SEMA5B: variants seen among roughly 807,000 people sequenced by gnomAD.
SEMA5B encodes the protein semaphorin-5B.
In SEMA5B, 66 loss-of-function variants were observed where a neutral mutation model predicts 135.0. The ratio of observed to expected loss-of-function variants is 0.49; its 90% CI spans 0.40 to 0.60. The LOEUF is 0.60. Among genes scored for constraint, SEMA5B ranks in the 20% least tolerant of loss-of-function variants. The probability of loss-of-function intolerance (pLI) is 0.00; values close to 1 mark genes in which losing one functional copy is unlikely to be tolerated. For synonymous variants in SEMA5B, 690 were observed against 639.5 expected, an observed-to-expected ratio of 1.08 and a Z score of -1.19; for missense variants, 1,501 against 1,566.3, an observed-to-expected ratio of 0.96 and a Z score of 0.70.
In SEMA5B at chr3:122,913,813, G is replaced by A. The variant is rs1174936324; in HGVS notation, c.2132+45C>T. 1.9e-6 allele frequency: 3 copies of A among 1,567,234 alleles called. No individual in the cohort carries two copies. The Admixed American group carries it at 5.3e-5, about 28-fold the overall frequency. On this transcript the variant is annotated intron_variant, in intron 15 of 22. Transcript: ENST00000357599. ...GGAGAATCCAGGCCACTTTCTGGGGGGCCCGGTTAGTCTGGGACCTCAGAG... is the reference window on the plus strand; with the variant it reads ...GGAGAATCCAGGCCACTTTCTGGGGAGCCCGGTTAGTCTGGGACCTCAGAG...
chr3:122,940,639 C>G (rs955375363), intron 4 of SEMA5B, among the ~76,000 whole-genome samples: 1 of 152,212 alleles, frequency 6.6e-6, no homozygotes, highest in African/African-American at 2.4e-5. Flanking sequence ...GAAAGAGGGC[C>G]CCTGCTGAAG....
At position 122,922,386 on chromosome 3, in the gene SEMA5B, G is replaced by A. The variant is rs1250418736; in HGVS notation, c.1334C>T (p.Ala445Val). 2 of 1,612,118 alleles carry A rather than the reference G, an allele frequency of 1.2e-6. No individual in the cohort carries two copies. Among genetic ancestry groups the A allele is most frequent in the East Asian group, 2.2e-5 (1 of 44,790 alleles). The change falls in exon 11 of 23, where the codon GCG becomes GTG. Residue 445 changes from alanine to valine, a missense_variant. Around this residue, in one of 2 missense-constraint regions of SEMA5B, gnomAD observed 574 missense variants for 684.7 expected, o/e 0.84. Transcript: ENST00000357599. Reference protein sequence around the residue: ...ENLTERSLQDAQRLFLMSEAV... With the variant: ...ENLTERSLQDVQRLFLMSEAV... ...CTCGCTCATCAGGAAGAGGCGCTGC[G>A]CGTCCTGCAGGCTGCGCTCCGTCAG...
At position 122,977,560 on chromosome 3, in the gene SEMA5B, G is replaced by A. The variant is rs1486793953; in HGVS notation, c.-38-16259C>T. Among the ~76,000 whole-genome samples, 8 of 152,206 alleles carry A rather than the reference G, an allele frequency of 5.3e-5. No homozygotes were observed. In the East Asian group the frequency reaches 1.5e-3, roughly 29 times the overall value. Reference sequence around the variant, plus strand: ...AGAGAAGAGTCAGGGCTGGCAACAGGGACTACAGCTCTACCTAGCCAGCCT... The same window carrying A: ...AGAGAAGAGTCAGGGCTGGCAACAGAGACTACAGCTCTACCTAGCCAGCCT... On this transcript the variant is annotated intron_variant, in intron 1 of 22. Transcript: ENST00000357599.
rs200580771 is a variant in SEMA5B at position 122,913,594 on chromosome 3, C to A, written c.2220G>T (p.Gly740=). The A allele has an allele frequency of 2.5e-6, 4 of 1,613,414 alleles. No homozygotes were observed. The highest frequency in any genetic ancestry group is 3.3e-5 in the Admixed American group (2 of 60,020). ...AGGCCCGACGCCGCGACTGCATGCCCCCTCCACAGTTGCTGCTGCACTTGC... is the reference window on the plus strand; with the variant it reads ...AGGCCCGACGCCGCGACTGCATGCCACCTCCACAGTTGCTGCTGCACTTGC... ...SWSKCSSNCG[G]GMQSRRRACE... The change falls in exon 16 of 23, where the codon GGG becomes GGT. Residue 740 remains glycine (G), a synonymous_variant. Coordinates refer to ENST00000357599, the MANE Select transcript of SEMA5B (RefSeq NM_001031702.4).
chr3:122,938,198 C>T (rs987135737), intron 5 of SEMA5B, among the ~76,000 whole-genome samples: 4 of 152,206 alleles, frequency 2.6e-5, no homozygotes, highest in African/African-American at 4.8e-5. Context: ...ATGCCTTGTA[C>T]CATGCCTAGG....
At chr3:122,911,153 G>A (rs1360781598) in intron 21 of SEMA5B, 108 bp from the exon 22 acceptor site, 3 of 1,108,068 alleles carry the variant, frequency 2.7e-6, no homozygotes, top group Non-Finnish European at 3.8e-6. Flanking sequence ...GAGGCATCCT[G>A]GAAAGGGCTC....
intron 1 of SEMA5B, among the ~76,000 whole-genome samples, chr3:122,966,788 G>T (rs1407162485): frequency 6.7e-6 from 1 of 150,322 alleles, no homozygotes; most frequent in African/African-American, 2.4e-5. Context: ...TCGATCTCCT[G>T]ACCTCGTGAT....
At chr3:122,944,993 T>G (rs993484715) in intron 3 of SEMA5B, among the ~76,000 whole-genome samples, 1 of 150,644 alleles carries the variant, frequency 6.6e-6, no homozygotes, top group African/African-American at 2.5e-5. Flanking sequence ...GAGAGAGAGA[T>G]AGAGAGAGAG....
intron 2 of SEMA5B, among the ~76,000 whole-genome samples, chr3:122,953,568 T>A (rs1940150741): frequency 6.6e-6 from 1 of 152,114 alleles, no homozygotes; most frequent in Non-Finnish European, 1.5e-5. Context: ...GGACAGGACA[T>A]GACGGGTGGG....
In SEMA5B at chr3:122,966,857, CTATTACTATTATTAT is replaced by C. The variant is rs1261862141; in HGVS notation, c.-38-5571_-38-5557del. ...ACAGGCGTGAGCCACCACACCCGGC[CTATTACTATTATTAT>C]TATTATTATTATTATTATTATTATT... On this transcript the variant is annotated intron_variant, in intron 1 of 22. Transcript: ENST00000357599. Among the ~76,000 whole-genome samples the C allele has an allele frequency of 1.6e-3, 140 of 88,200 alleles. 3 individuals carry two copies. Among genetic ancestry groups the C allele is most frequent in the African/African-American group, 8.0e-3 (111 of 13,842 alleles). 57.9% of individuals were successfully genotyped at this position (88,200 alleles called of 152,430 possible).
intron 1 of SEMA5B, chr3:122,993,184 A>G (rs940764708): frequency 5.3e-5 from 8 of 152,326 alleles, no homozygotes; most frequent in African/African-American, 1.9e-4. Flanking sequence ...GCCGCAGAAA[A>G]GCAGGACACA....
At chr3:122,923,028 C>T (rs1344208460) in intron 10 of SEMA5B, among the ~76,000 whole-genome samples, 6 of 152,196 alleles carry the variant, frequency 3.9e-5, no homozygotes, top group Non-Finnish European at 8.8e-5. Flanking sequence ...CAGAGATAGG[C>T]TAGATGGTAG....
At chr3:122,943,325 G>T (rs1053122043) in intron 4 of SEMA5B, 111 bp downstream of exon 4, 7 of 708,534 alleles carry the variant, frequency 9.9e-6, no homozygotes, top group Non-Finnish European at 1.7e-5. Flanking sequence ...CAGCAGAGAG[G>T]ATGGGGCCCA....
chr3:123,026,145 C>T (rs1942793010), intron 1 of SEMA5B, among the ~76,000 whole-genome samples: 1 of 152,138 alleles, frequency 6.6e-6, no homozygotes, highest in Non-Finnish European at 1.5e-5. Flanking sequence ...AGGTCGGATT[C>T]ACTAGGGGCT....
At chr3:122,997,328 C>T (rs1330418848) in intron 1 of SEMA5B, among the ~76,000 whole-genome samples, 1 of 152,140 alleles carries the variant, frequency 6.6e-6, no homozygotes, top group Non-Finnish European at 1.5e-5. Flanking sequence ...GTTTCCTCTC[C>T]TCTCCTCTAG....
intron 1 of SEMA5B, among the ~76,000 whole-genome samples, chr3:122,979,120 A>T (rs2107674000): frequency 6.6e-6 from 1 of 152,244 alleles, no homozygotes; most frequent in East Asian, 1.9e-4. Context: ...GATAAATGGG[A>T]TGGGAGGCGG....
At chr3:122,976,776 G>A (rs989550460) in intron 1 of SEMA5B, among the ~76,000 whole-genome samples, 24 of 152,106 alleles carry the variant, frequency 1.6e-4, no homozygotes, top group African/African-American at 5.3e-4. Context: ...GGGGCCAGGC[G>A]CGGTGGCTCA....
chr3:122,912,870 G>A lies in SEMA5B; in HGVS notation c.2698C>T (p.Gln900Ter), dbSNP rs992619805. The A allele has an allele frequency of 6.3e-7, 1 of 1,599,864 alleles. No individual in the cohort carries two copies. The highest frequency in any genetic ancestry group is 8.5e-7 in the Non-Finnish European group (1 of 1,172,278). The change falls in exon 18 of 23, where the codon CAG (glutamine) becomes TAG (stop). Residue 900 changes from glutamine (Q) to a stop codon, truncating the protein, a stop_gained. Coordinates refer to ENST00000357599, the MANE Select transcript of SEMA5B (RefSeq NM_001031702.4). LOFTEE classifies it high-confidence loss of function. Reference protein sequence around the residue: ...LPCVGDAAEYQDCNPQACPVR... With the variant: ...LPCVGDAAEY ...GGGCAAGCCTGGGGGTTGCAGTCCT[G>A]GTACTCGGCAGCATCGCCCACGCAG...
intron 12 of SEMA5B, among the ~76,000 whole-genome samples, chr3:122,918,582 C>T (rs764152610): frequency 8.5e-5 from 13 of 152,176 alleles, no homozygotes; most frequent in Non-Finnish European, 1.8e-4. Context: ...AGAAGAAAAA[C>T]GTGGAGTAGA....
Sources: gnomAD v4.1 joint callset for allele counts (sites outside exome capture counted in the v4.1 genomes callset) on GRCh38, gnomAD v4.1.1 for gene constraint, gnomAD v4.1.1 regional missense constraint, MANE v1.5 for transcripts, NCBI Gene and HGNC (gene_info 2026-07-23, HGNC 2026-07-21) for gene names.